PAM: variants seen among roughly 807,000 people sequenced by gnomAD.
PAM encodes the protein peptidyl-glycine alpha-amidating monooxygenase.
A neutral mutation model predicts 122.1 loss-of-function variants in PAM; 72 were observed. That is an observed-to-expected ratio of 0.59 (90% CI 0.49 to 0.72). The LOEUF (loss-of-function observed/expected upper bound fraction) is 0.72. PAM is among the 30% of genes least tolerant of loss of function. The pLI is 0.00. For missense variants in PAM, 1,106 were observed against 1,183.7 expected (o/e 0.93, Z 0.96); for synonymous variants, 389 against 404.4 (o/e 0.96, Z 0.46).
At chr5:102,981,761 G>A (rs1221786501) in intron 15 of PAM, among the ~76,000 whole-genome samples, 1 of 152,176 alleles carries the variant, frequency 6.6e-6, no homozygotes, top group African/African-American at 2.4e-5. Flanking sequence ...TTCAGGAGTG[G>A]TGAATGAGTA....
chr5:102,833,507 C>T (rs1188151040), intron 1 of PAM, among the ~76,000 whole-genome samples: 1 of 152,074 alleles, frequency 6.6e-6, no homozygotes, highest in Non-Finnish European at 1.5e-5. Context: ...TTGTGGGGAT[C>T]AGATTCCATG....
intron 1 of PAM, among the ~76,000 whole-genome samples, chr5:102,777,841 T>A (rs1273822831): frequency 6.6e-6 from 1 of 152,166 alleles, no homozygotes; most frequent in African/African-American, 2.4e-5. Context: ...TTGTTTTCTG[T>A]TTTTACGGAT....
intron 7 of PAM, among the ~76,000 whole-genome samples, chr5:102,933,228 A>C (rs1051243296): frequency 5.3e-5 from 8 of 152,252 alleles, no homozygotes; most frequent in Non-Finnish European, 8.8e-5. Flanking sequence ...TAGATACAGA[A>C]TCTAGATGAG....
intron 1 of PAM, among the ~76,000 whole-genome samples, chr5:102,768,997 C>G (rs2149743357): frequency 6.6e-6 from 1 of 152,268 alleles, no homozygotes; most frequent in East Asian, 1.9e-4. Context: ...TGTTCCACAT[C>G]CTCACCAGCG....
At chr5:102,839,443 A>C (rs1166742809) in intron 1 of PAM, among the ~76,000 whole-genome samples, 1 of 151,764 alleles carries the variant, frequency 6.6e-6, no homozygotes, top group Non-Finnish European at 1.5e-5. Flanking sequence ...AGGCTGAGAC[A>C]CAAGAATCAC....
chr5:102,875,125 G>A (rs137929304), intron 3 of PAM, among the ~76,000 whole-genome samples: 20 of 151,856 alleles, frequency 1.3e-4, no homozygotes, highest in African/African-American at 4.6e-4. Flanking sequence ...TACATATATT[G>A]TAGAATATAA....
chr5:102,866,952 T>C (rs1581119958), intron 2 of PAM, among the ~76,000 whole-genome samples: 1 of 152,256 alleles, frequency 6.6e-6, no homozygotes, highest in Non-Finnish European at 1.5e-5. Flanking sequence ...GAAACAGATA[T>C]ATGTTTTGAC....
chr5:102,795,106 C>T (rs1763024931), intron 1 of PAM, among the ~76,000 whole-genome samples: 1 of 137,664 alleles, frequency 7.3e-6, no homozygotes, highest in Non-Finnish European at 1.5e-5. Context: ...AGGAGAATCA[C>T]TTGAACCCGG....
chr5:102,919,860 G>A (rs991437585), intron 5 of PAM, among the ~76,000 whole-genome samples: 2 of 152,100 alleles, frequency 1.3e-5, no homozygotes, highest in Admixed American at 6.6e-5. Context: ...GATTAAAGGT[G>A]TTAATAGGAG....
At position 102,774,210 on chromosome 5, in the gene PAM, T is replaced by C. The variant is rs372687129; in HGVS notation, c.-374+18862T>C. On this transcript the variant is annotated intron_variant, in intron 1 of 25. Coordinates refer to ENST00000438793, the MANE Select transcript of PAM (RefSeq NM_001177306.2). ...TGTCTTTATGATAGAATGATTTATA[T>C]TCGTCTGAGTATATACCCAGTAACT... Among the ~76,000 whole-genome samples, 3 of 152,224 alleles carry C rather than the reference T, an allele frequency of 2.0e-5. No individual in the cohort carries two copies. In the East Asian group the frequency reaches 5.8e-4, roughly 29 times the overall value.
intron 1 of PAM, among the ~76,000 whole-genome samples, chr5:102,851,610 T>G (rs1379735456): frequency 6.6e-6 from 1 of 152,230 alleles, no homozygotes; most frequent in Non-Finnish European, 1.5e-5. Context: ...AGCACATTTT[T>G]GGCATTTTGT....
intron 1 of PAM, among the ~76,000 whole-genome samples, chr5:102,852,910 A>C (rs913350868): frequency 1.3e-5 from 2 of 152,214 alleles, no homozygotes; most frequent in Admixed American, 6.5e-5. Context: ...AATAAGGTAC[A>C]TTTCTTGTCC....
chr5:102,843,109 TAAA>T (rs1265558523), intron 1 of PAM, among the ~76,000 whole-genome samples: 2 of 152,170 alleles, frequency 1.3e-5, no homozygotes, highest in Non-Finnish European at 2.9e-5. Flanking sequence ...AATTATGTTT[TAAA>T]TAAACCACCA....
At chr5:102,997,369 T>C (rs1776039188) in intron 16 of PAM, among the ~76,000 whole-genome samples, 1 of 151,994 alleles carries the variant, frequency 6.6e-6, no homozygotes, top group Non-Finnish European at 1.5e-5. Flanking sequence ...AAAAATAAAT[T>C]ATCTAGGCAT....
rs192043493 is a variant in PAM at position 102,961,317 on chromosome 5, T to A, written c.1162+88T>A. 5.4e-6 allele frequency: 4 copies of A among 746,626 alleles called. No homozygotes were observed. The East Asian group carries it at 1.0e-4, about 19-fold the overall frequency. The allele number at this position is 746,626 out of a possible 1,614,324, so 46.3% of individuals were successfully genotyped here. A position where few individuals can be genotyped will look rare whatever the true frequency, so the allele number is the denominator to read the frequency against. On this transcript the variant is annotated intron_variant, in intron 14 of 25. Coordinates refer to ENST00000438793, the MANE Select transcript of PAM (RefSeq NM_001177306.2). ...ATTGTAAAGTTACTGAGATATTGTA[T>A]GTCTCTCTGTATCTGCCTCAAACAC...
chr5:103,004,113 G>A (rs181297690), intron 17 of PAM, among the ~76,000 whole-genome samples: 1 of 152,284 alleles, frequency 6.6e-6, no homozygotes, highest in African/African-American at 2.4e-5. Flanking sequence ...TTCGCAAGGT[G>A]GATAGCCACC....
intron 5 of PAM, among the ~76,000 whole-genome samples, chr5:102,923,775 G>A (rs73778403): frequency 1.2e-4 from 19 of 152,188 alleles, no homozygotes; most frequent in African/African-American, 2.4e-4. Context: ...TTATAAACAC[G>A]CCCAAGATAC....
chr5:102,833,849 C>T (rs1478521748), intron 1 of PAM, among the ~76,000 whole-genome samples: 2 of 152,096 alleles, frequency 1.3e-5, no homozygotes, highest in African/African-American at 4.8e-5. Context: ...AGAGATCCTA[C>T]ATTGGGCTAT....
chr5:102,957,854 C>G (rs902998467), intron 12 of PAM, among the ~76,000 whole-genome samples: 12 of 152,206 alleles, frequency 7.9e-5, no homozygotes, highest in Admixed American at 5.9e-4. Context: ...TTTCTCAACT[C>G]TTCTGTAAGC....
Sources: allele counts gnomAD v4.1 joint callset (sites outside exome capture counted in the v4.1 genomes callset), GRCh38; gene constraint gnomAD v4.1.1; transcripts MANE v1.5; gene names NCBI Gene and HGNC (gene_info 2026-07-23, HGNC 2026-07-21).